CHRNA3: variants seen among roughly 807,000 people sequenced by gnomAD.
CHRNA3 encodes cholinergic receptor nicotinic alpha 3 subunit.
In CHRNA3, 34 loss-of-function variants were observed where a neutral mutation model predicts 41.9. The ratio of observed to expected loss-of-function variants is 0.81; its 90% confidence interval spans 0.62 to 1.08. The LOEUF is 1.08. Ranked by LOEUF, CHRNA3 falls within the 50% of genes least tolerant of loss-of-function variation. CHRNA3 has a pLI of 0.00. For synonymous variants in CHRNA3, 281 were observed against 265.2 expected (o/e 1.06, Z -0.58); for missense variants, 542 against 638.3 (o/e 0.85, Z 1.63).
intron 4 of CHRNA3, among the ~76,000 whole-genome samples, chr15:78,609,632 A>T (rs1596079049): frequency 6.6e-6 from 1 of 152,302 alleles, no homozygotes; most frequent in African/African-American, 2.4e-5. Context: ...ACATGCCAAA[A>T]TGTAAAGACC....
rs528206331 is a variant in CHRNA3 at position 78,606,004 on chromosome 15, G to A, written c.378-3740C>T. On this transcript the variant is annotated intron_variant, in intron 4 of 5. Transcript: ENST00000326828. ...GGCTATCTATTTAAACAAGAGCAACGAAGCTTTATGAAAACATATTGTAAG... is the reference window on the plus strand; with the variant it reads ...GGCTATCTATTTAAACAAGAGCAACAAAGCTTTATGAAAACATATTGTAAG... 9.2e-5 allele frequency among the ~76,000 whole-genome samples: 14 copies of A among 152,076 alleles called. No homozygotes were observed. The East Asian group carries it at 2.1e-3, about 23-fold the overall frequency.
chr15:78,607,969 G>T (rs182105352), intron 4 of CHRNA3, among the ~76,000 whole-genome samples: 5 of 152,204 alleles, frequency 3.3e-5, no homozygotes, highest in Admixed American at 2.0e-4. Flanking sequence ...TCTTGCTGAT[G>T]GCTAGCACAG....
chr15:78,608,301 G>A, intron 4 of CHRNA3, among the ~76,000 whole-genome samples: 1 of 152,192 alleles, frequency 6.6e-6, no homozygotes, highest in Non-Finnish European at 1.5e-5. Flanking sequence ...AGCCTAACTG[G>A]GAGACACCCC....
intron 4 of CHRNA3, among the ~76,000 whole-genome samples, chr15:78,612,695 C>T (rs575349230): frequency 2.7e-4 from 34 of 127,284 alleles, no homozygotes; most frequent in Non-Finnish European, 5.3e-4. Flanking sequence ...AAAGCAATGG[C>T]AACAAAAGCC....
chr15:78,593,698 A>G (rs2053049257), downstream of CHRNA3: 1 of 152,480 alleles, frequency 6.6e-6, no homozygotes, highest in Admixed American at 6.5e-5. Flanking sequence ...GCTATATTTA[A>G]AAAGCTGACT....
intron 5 of CHRNA3, among the ~76,000 whole-genome samples, chr15:78,600,285 G>A (rs2053177829): frequency 6.6e-6 from 1 of 152,042 alleles, no homozygotes; most frequent in East Asian, 1.9e-4. Context: ...ATGTTTCCCA[G>A]GCTGGTCTCA....
At chr15:78,614,340 A>C (rs2053430680) in intron 4 of CHRNA3, among the ~76,000 whole-genome samples, 1 of 152,244 alleles carries the variant, frequency 6.6e-6, no homozygotes, top group South Asian at 2.1e-4. Context: ...ACGACAATTC[A>C]GTGCAAGAAG....
At chr15:78,599,859 T>G (rs2053170463) in intron 5 of CHRNA3, 1 of 108,074 alleles carries the variant, frequency 9.3e-6, no homozygotes, top group African/African-American at 3.8e-5. Context: ...CTATTAAAAA[T>G]ACAAAAAATT....
intron 5 of CHRNA3, among the ~76,000 whole-genome samples, chr15:78,596,978 T>A (rs1596069875): frequency 6.6e-6 from 1 of 152,206 alleles, no homozygotes; most frequent in Non-Finnish European, 1.5e-5. Context: ...AGAAGTTTCC[T>A]AAAAATGCAT....
chr15:78,602,584 A>T (rs1490673466), intron 4 of CHRNA3, among the ~76,000 whole-genome samples: 7 of 152,218 alleles, frequency 4.6e-5, no homozygotes, highest in African/African-American at 1.7e-4. Flanking sequence ...TTAATTAAAG[A>T]AATGGGAGGA....
chr15:78,616,672 ATACTC>A (rs1200831872), intron 4 of CHRNA3, among the ~76,000 whole-genome samples: 3 of 151,934 alleles, frequency 2.0e-5, no homozygotes, highest in African/African-American at 7.3e-5. Context: ...TGCCCATGAC[ATACTC>A]TCCTGCCTCC....
At chr15:78,613,297 A>G (rs2053409181) in intron 4 of CHRNA3, among the ~76,000 whole-genome samples, 1 of 151,892 alleles carries the variant, frequency 6.6e-6, no homozygotes, top group Non-Finnish European at 1.5e-5. Context: ...ATTATTCACA[A>G]TAGCAAAGAC....
chr15:78,596,660 T>G lies in CHRNA3; in HGVS notation c.1462A>C (p.Ile488Leu). The change falls in exon 6 of 6, where the codon ATT (isoleucine) becomes CTT (leucine). Residue 488 changes from isoleucine (I) to leucine (L), a missense_variant. By Grantham distance (5) the Ile-to-Leu change is conservative. Transcript: ENST00000326828. ...AGAAACAATCCTGCTGTCCCTAGAATGCACACCAGGGTGAAAACCCACAGA... is the reference window on the plus strand; with the variant it reads ...AGAAACAATCCTGCTGTCCCTAGAAGGCACACCAGGGTGAAAACCCACAGA... ...IFLWVFTLVCILGTAGLFLQP... is the reference protein window; with the variant it reads ...IFLWVFTLVCLLGTAGLFLQP... 1.9e-6 allele frequency: 3 copies of G among 1,613,052 alleles called. No homozygotes were observed. Among genetic ancestry groups the G allele is most frequent in the Non-Finnish European group, 2.5e-6 (3 of 1,179,894 alleles).
At chr15:78,606,722 C>T (rs1372530661) in intron 4 of CHRNA3, among the ~76,000 whole-genome samples, 2 of 151,508 alleles carry the variant, frequency 1.3e-5, no homozygotes, top group Non-Finnish European at 2.9e-5. Flanking sequence ...AGTGAAACCC[C>T]GTCTCTACTA....
chr15:78,601,147 C>T (rs1169095184), intron 5 of CHRNA3, 106 bp downstream of exon 5: 2 of 1,140,808 alleles, frequency 1.8e-6, no homozygotes, highest in Non-Finnish European at 2.5e-6. Context: ...CCACTGACTC[C>T]AGAGGGCAAT....
Position 78,618,635 on chromosome 15 carries a change from G to T in CHRNA3, c.249C>A (p.Thr83=), listed in dbSNP as rs1228480110. The change falls in exon 3 of 6, where the codon ACC becomes ACA. Residue 83 remains threonine, a synonymous_variant. Transcript: ENST00000326828. The part of the protein sequence containing the change: ...KVDEVNQIME[T]NLWLKQIWND... ...CACTTACTTGCTTGAGCCACAGGTT[G>T]GTCTCCATGATCTGGTTTACTTCAT... 5.0e-6 allele frequency: 8 copies of T among 1,614,082 alleles called. No individual in the cohort carries two copies. Among genetic ancestry groups the T allele is most frequent in the Non-Finnish European group, 6.8e-6 (8 of 1,180,010 alleles).
In CHRNA3 at chr15:78,620,975, G is replaced by T; in HGVS notation, c.-181C>A. ...GTTTCCAGCGCCCTCGGACCCGCGG[G>T]AGGACAGGAACCATCCGGAGTGAAG... On this transcript the variant is annotated 5_prime_UTR_variant, in exon 1 of 6. Coordinates refer to ENST00000326828, the MANE Select transcript of CHRNA3 (RefSeq NM_000743.5). The T allele has an allele frequency of 1.3e-6, 1 of 772,560 alleles. No homozygotes were observed. The highest frequency in any genetic ancestry group is 1.7e-6 in the Non-Finnish European group (1 of 582,962). The allele number at this position is 772,560 out of a possible 1,614,324, so 47.9% of individuals were successfully genotyped here.
At position 78,620,830 on chromosome 15, in the gene CHRNA3, C is replaced by T. The variant is rs1156964091; in HGVS notation, c.-36G>A. On this transcript the variant is annotated 5_prime_UTR_variant, in exon 1 of 6. Coordinates refer to ENST00000326828, the MANE Select transcript of CHRNA3 (RefSeq NM_000743.5). ...CGGGCTGGCCGCGGACCCGGACGGT[C>T]GGGAGCGGGCGCGGCGGTCGCAGAG... The T allele has an allele frequency of 3.0e-6, 4 of 1,342,772 alleles. No individual in the cohort carries two copies. The highest frequency in any genetic ancestry group is 9.5e-7 in the Non-Finnish European group (1 of 1,056,820). 83.2% of individuals were successfully genotyped at this position (1,342,772 alleles called of 1,614,324 possible).
At chr15:78,600,290 G>A (rs887108753) in intron 5 of CHRNA3, among the ~76,000 whole-genome samples, 11 of 152,050 alleles carry the variant, frequency 7.2e-5, no homozygotes, top group Non-Finnish European at 1.5e-5. Context: ...TCCCAGGCTG[G>A]TCTCAAACTC....
Sources: allele counts gnomAD v4.1 joint callset (sites outside exome capture counted in the v4.1 genomes callset), GRCh38; gene constraint gnomAD v4.1.1; transcripts MANE v1.5; gene names NCBI Gene and HGNC (gene_info 2026-07-23, HGNC 2026-07-21).